RGS7: variants seen among roughly 807,000 people sequenced by gnomAD.
The protein encoded by RGS7 is regulator of G protein signaling 7.
In RGS7, 27 loss-of-function variants were observed where a neutral mutation model predicts 81.1. That is an observed-to-expected ratio of 0.33 (90% CI 0.25 to 0.46). The LOEUF (loss-of-function observed/expected upper bound fraction) is 0.46. Among genes scored for constraint, RGS7 ranks in the 20% least tolerant of loss-of-function variants. The pLI, the probability that RGS7 is intolerant of heterozygous loss-of-function variation, is 1.00. For synonymous variants in RGS7, 208 were observed against 207.7 expected, an observed-to-expected ratio of 1.00 and a Z score of -0.01; for missense variants, 396 against 607.4, an observed-to-expected ratio of 0.65 and a Z score of 3.66.
At chr1:241,258,460 T>G (rs1001498308) in intron 2 of RGS7, among the ~76,000 whole-genome samples, 3 of 152,168 alleles carry the variant, frequency 2.0e-5, no homozygotes, top group African/African-American at 7.2e-5. Context: ...AAGCAATTAA[T>G]TCGGTTACAT....
intron 6 of RGS7, chr1:240,920,155 C>T (rs1237278435): frequency 6.2e-6 from 6 of 964,658 alleles, no homozygotes; most frequent in Admixed American, 1.7e-5. Flanking sequence ...AAATACCACA[C>T]TGTGAATGGC....
chr1:240,962,180 C>G (rs1387246040), intron 4 of RGS7, among the ~76,000 whole-genome samples: 1 of 152,120 alleles, frequency 6.6e-6, no homozygotes, highest in Non-Finnish European at 1.5e-5. Context: ...CCAATGACTT[C>G]CTAGTAGAAA....
chr1:240,899,034 G>A (rs1471838887), intron 6 of RGS7, among the ~76,000 whole-genome samples: 1 of 152,150 alleles, frequency 6.6e-6, no homozygotes, highest in African/African-American at 2.4e-5. Flanking sequence ...TTACCATTAT[G>A]TAATGGCCTT....
At chr1:241,254,989 G>A (rs2076996883) in intron 2 of RGS7, among the ~76,000 whole-genome samples, 2 of 152,178 alleles carry the variant, frequency 1.3e-5, no homozygotes, top group Non-Finnish European at 2.9e-5. Context: ...TACAGATGGA[G>A]AAACATAGGC....
chr1:241,254,524 G>T (rs2076976216), intron 2 of RGS7, among the ~76,000 whole-genome samples: 1 of 152,120 alleles, frequency 6.6e-6, no homozygotes, highest in Non-Finnish European at 1.5e-5. Flanking sequence ...AAGAGCTCTG[G>T]TTCCTTCATC....
intron 3 of RGS7, among the ~76,000 whole-genome samples, chr1:241,049,023 G>A (rs1470004144): frequency 6.6e-6 from 1 of 152,158 alleles, no homozygotes; most frequent in African/African-American, 2.4e-5. Flanking sequence ...TTCTGTCTGT[G>A]TCTTCATCTC....
chr1:241,021,369 C>T (rs544710360), intron 3 of RGS7, among the ~76,000 whole-genome samples: 2 of 152,136 alleles, frequency 1.3e-5, no homozygotes, highest in African/African-American at 4.8e-5. Context: ...TTTCAAAAAT[C>T]CAGCTTACTG....
chr1:240,974,776 T>C (rs1035737912), intron 4 of RGS7, among the ~76,000 whole-genome samples: 1 of 152,222 alleles, frequency 6.6e-6, no homozygotes, highest in African/African-American at 2.4e-5. Flanking sequence ...TTCAGTTAAA[T>C]GTGCTTGCAC....
intron 6 of RGS7, chr1:240,920,041 T>C (rs555865531): frequency 9.1e-6 from 10 of 1,097,206 alleles, no homozygotes; most frequent in East Asian, 7.0e-5. Flanking sequence ...TTTGGAAAAA[T>C]TGAAGGGATT....
At chr1:241,147,660 C>T (rs923247489) in intron 2 of RGS7, among the ~76,000 whole-genome samples, 1 of 151,132 alleles carries the variant, frequency 6.6e-6, no homozygotes. Context: ...CATATAATTT[C>T]TATGCAGGTT....
chr1:241,213,376 C>T (rs554233746), intron 2 of RGS7, among the ~76,000 whole-genome samples: 50 of 152,268 alleles, frequency 3.3e-4, no homozygotes, highest in Admixed American at 3.1e-3. Flanking sequence ...CATGTAAAAG[C>T]GAACCAAATA....
At chr1:241,217,900 A>C (rs2074667566) in intron 2 of RGS7, among the ~76,000 whole-genome samples, 1 of 152,228 alleles carries the variant, frequency 6.6e-6, no homozygotes, top group African/African-American at 2.4e-5. Context: ...CAATTTTTGC[A>C]AGTTCCAAAA....
chr1:240,851,125 G>A (rs1165179729), intron 9 of RGS7, among the ~76,000 whole-genome samples: 1 of 152,196 alleles, frequency 6.6e-6, no homozygotes, highest in Admixed American at 6.5e-5. Context: ...GACTTTCATA[G>A]CTAGACAGGA....
chr1:241,104,035 T>G (rs1423952702), intron 2 of RGS7, among the ~76,000 whole-genome samples: 1 of 152,216 alleles, frequency 6.6e-6, no homozygotes, highest in Non-Finnish European at 1.5e-5. Flanking sequence ...TTACAAGCCA[T>G]CTGAACAGGT....
intron 9 of RGS7, among the ~76,000 whole-genome samples, chr1:240,834,667 C>G (rs1000593712): frequency 2.5e-4 from 38 of 152,048 alleles, no homozygotes; most frequent in Non-Finnish European, 8.8e-5. Context: ...TCCGCCACCA[C>G]GCCCAGCTAA....
chr1:241,192,595 A>G (rs1324829524), intron 2 of RGS7, among the ~76,000 whole-genome samples: 3 of 152,202 alleles, frequency 2.0e-5, no homozygotes, highest in African/African-American at 7.2e-5. Context: ...GGTACATAAA[A>G]TAGGCCTAGT....
At chr1:241,089,176 G>A (rs182114814) in intron 3 of RGS7, among the ~76,000 whole-genome samples, 8 of 146,822 alleles carry the variant, frequency 5.4e-5, no homozygotes, top group Admixed American at 1.4e-4. Flanking sequence ...GGAGGAAAAA[G>A]CAGAGCAGGG....
chr1:241,156,923 A>G (rs965564097), intron 2 of RGS7, among the ~76,000 whole-genome samples: 4 of 152,122 alleles, frequency 2.6e-5, no homozygotes, highest in African/African-American at 4.8e-5. Context: ...TCCCTTCCAG[A>G]TGTCATTACC....
At chr1:240,998,955 C>T (rs1687724375) in intron 3 of RGS7, among the ~76,000 whole-genome samples, 1 of 152,072 alleles carries the variant, frequency 6.6e-6, no homozygotes, top group South Asian at 2.1e-4. Context: ...TGTTATAAAC[C>T]CACAAAAGAT....
Sources: gnomAD v4.1 joint callset for allele counts (sites outside exome capture counted in the v4.1 genomes callset) on GRCh38, gnomAD v4.1.1 for gene constraint, MANE v1.5 for transcripts, NCBI Gene and HGNC (gene_info 2026-07-23, HGNC 2026-07-21) for gene names.